The following GYPC variants were observed in gnomAD, a reference collection of about 807,000 sequenced individuals.
The protein encoded by GYPC is glycophorin C (Gerbich blood group), also known as glycophorin-C.
Under a neutral mutation model 12.6 loss-of-function variants are expected in GYPC, and 14 were observed. That is an observed-to-expected ratio of 1.11 (90% CI 0.74 to 1.74). The LOEUF (loss-of-function observed/expected upper bound fraction) is 1.74. Ranked by LOEUF, GYPC falls within the 40% of genes most tolerant of loss-of-function variation. GYPC has a pLI of 0.00. For missense variants in GYPC, 225 were observed against 172.1 expected, an observed-to-expected ratio of 1.31 and a Z score of -1.72; for synonymous variants, 78 against 62.1, an observed-to-expected ratio of 1.26 and a Z score of -1.20.
At chr2:126,692,625 T>C (rs971501767) in intron 2 of GYPC, among the ~76,000 whole-genome samples, 2 of 152,160 alleles carry the variant, frequency 1.3e-5, no homozygotes, top group African/African-American at 2.4e-5. Context: ...AGAGAAGGCA[T>C]TCTGTGCAGC....
intron 1 of GYPC, among the ~76,000 whole-genome samples, chr2:126,670,165 C>A (rs140579328): frequency 6.6e-6 from 1 of 152,222 alleles, no homozygotes; most frequent in African/African-American, 2.4e-5. Context: ...CTTCTGAGAC[C>A]GCAGCTCCCA....
At chr2:126,686,411 T>A in intron 1 of GYPC, 1 of 985,612 alleles carries the variant, frequency 1.0e-6, no homozygotes, top group South Asian at 4.7e-5. Context: ...GCTGACATCC[T>A]GAGGACATAG....
In GYPC at chr2:126,696,235, C is replaced by A; in HGVS notation, c.*93C>A. On this transcript the variant is annotated 3_prime_UTR_variant, in exon 4 of 4. Transcript: ENST00000259254. ...CAGCACCCCTGCTGATACCACCAGACAGAGAGAGAGAGCACTTGATTCTTC... is the reference window on the plus strand; with the variant it reads ...CAGCACCCCTGCTGATACCACCAGAAAGAGAGAGAGAGCACTTGATTCTTC... The A allele has an allele frequency of 1.1e-6, 1 of 907,124 alleles. No homozygotes were observed. Among genetic ancestry groups the A allele is most frequent in the Non-Finnish European group, 1.8e-6 (1 of 558,528 alleles). The allele number at this position is 907,124 out of a possible 1,614,324, so 56.2% of individuals were successfully genotyped here.
intron 1 of GYPC, chr2:126,678,187 A>G (rs1683061746): frequency 6.6e-6 from 1 of 152,060 alleles, no homozygotes; most frequent in African/African-American, 2.4e-5. Context: ...GCACCACTGC[A>G]CTCCAGCCTG....
At chr2:126,678,792 C>T (rs1345706573) in intron 1 of GYPC, 2 of 152,308 alleles carry the variant, frequency 1.3e-5, no homozygotes, top group African/African-American at 4.8e-5. Context: ...CGAACCTCCT[C>T]CTTGGAGCCA....
intron 1 of GYPC, among the ~76,000 whole-genome samples, chr2:126,687,438 A>C (rs1395879759): frequency 1.3e-5 from 2 of 152,180 alleles, no homozygotes; most frequent in African/African-American, 4.8e-5. Context: ...GTGTATCCAG[A>C]GACTATGCTT....
In GYPC at chr2:126,690,260, G is replaced by T. The variant is rs773298406; in HGVS notation, c.55G>T (p.Asp19Tyr). 6.2e-7 allele frequency: 1 copy of T among 1,612,180 alleles called. No individual in the cohort carries two copies. The highest frequency in any genetic ancestry group is 1.3e-5 in the African/African-American group (1 of 75,008). Residue 19 changes from aspartate (D) to tyrosine (Y), a missense_variant, in exon 2 of 4, where the codon GAT (aspartate) becomes TAT (tyrosine). Coordinates refer to ENST00000259254, the MANE Select transcript of GYPC (RefSeq NM_002101.5). ...STAWPLSLEP[D>Y]PGMASASTTM... ...TTCTTGTCCTCTGTTCACAGAGCCT[G>T]ATCCGGGGATGGCCTCTGCCTCCAC...
intron 2 of GYPC, among the ~76,000 whole-genome samples, chr2:126,693,587 C>G (rs1683539288): frequency 6.6e-6 from 1 of 152,224 alleles, no homozygotes; most frequent in South Asian, 2.1e-4. Flanking sequence ...TGCAGCACCA[C>G]TCTCAGTGCA....
intron 1 of GYPC, among the ~76,000 whole-genome samples, chr2:126,672,774 A>G (rs1173965514): frequency 6.6e-6 from 1 of 152,146 alleles, no homozygotes; most frequent in Non-Finnish European, 1.5e-5. Flanking sequence ...TGATGCTTCT[A>G]GGTCCAAGCT....
intron 1 of GYPC, among the ~76,000 whole-genome samples, chr2:126,667,158 T>C (rs1253995908): frequency 6.6e-6 from 1 of 151,336 alleles, no homozygotes; most frequent in Non-Finnish European, 1.5e-5. Flanking sequence ...ACAGAGGATT[T>C]AGAGACAGAG....
chr2:126,694,007 C>G, intron 3 of GYPC, 60 bp downstream of exon 3: 1 of 1,144,032 alleles, frequency 8.7e-7, no homozygotes, highest in South Asian at 1.2e-5. Flanking sequence ...GTGAAAACAT[C>G]CAGGGGAGAA....
intron 2 of GYPC, among the ~76,000 whole-genome samples, chr2:126,692,802 C>T (rs1358372300): frequency 2.0e-5 from 3 of 152,038 alleles, no homozygotes; most frequent in Non-Finnish European, 4.4e-5. Context: ...AGGAATGACT[C>T]CTCAGACAGG....
At chr2:126,672,210 C>T (rs1481363238) in intron 1 of GYPC, among the ~76,000 whole-genome samples, 1 of 152,164 alleles carries the variant, frequency 6.6e-6, no homozygotes, top group East Asian at 1.9e-4. Flanking sequence ...GCCTTCAAGG[C>T]CCCTCCAGAA....
chr2:126,677,374 GGAGTGT>G (rs1248145576), intron 1 of GYPC, among the ~76,000 whole-genome samples: 1 of 150,808 alleles, frequency 6.6e-6, no homozygotes, highest in East Asian at 2.0e-4. Flanking sequence ...AGAATGAGTA[GGAGTGT>G]GAGTGTGTTT....
chr2:126,673,136 G>A (rs28387134), intron 1 of GYPC, among the ~76,000 whole-genome samples: 3,355 of 152,152 alleles, frequency 0.022, 149 homozygotes, highest in African/African-American at 0.077. Context: ...GCAAGTGAGC[G>A]AAGCCCTCCA....
intron 2 of GYPC, among the ~76,000 whole-genome samples, chr2:126,690,730 TG>T (rs1558892140): frequency 6.6e-6 from 1 of 152,070 alleles, no homozygotes; most frequent in Non-Finnish European, 1.5e-5. Context: ...TTTTCTTCCC[TG>T]GGTCCATGAC....
intron 1 of GYPC, among the ~76,000 whole-genome samples, chr2:126,687,181 C>A (rs545227168): frequency 6.6e-6 from 1 of 152,244 alleles, no homozygotes; most frequent in African/African-American, 2.4e-5. Context: ...GGGAGAGCTG[C>A]CTTAGATGCT....
chr2:126,678,651 A>G (rs756933119), intron 1 of GYPC: 1 of 152,578 alleles, frequency 6.6e-6, no homozygotes, highest in Non-Finnish European at 1.5e-5. Context: ...TCCTTCCAGC[A>G]TCCTTCACCA....
At chr2:126,664,491 A>G (rs902892074) in intron 1 of GYPC, among the ~76,000 whole-genome samples, 2 of 152,218 alleles carry the variant, frequency 1.3e-5, no homozygotes, top group African/African-American at 4.8e-5. Context: ...CCCCAGACGC[A>G]GTGCTCAGAG....
Sources: gnomAD v4.1 joint callset for allele counts (sites outside exome capture counted in the v4.1 genomes callset) on GRCh38, gnomAD v4.1.1 for gene constraint, MANE v1.5 for transcripts, NCBI Gene and HGNC (gene_info 2026-07-23, HGNC 2026-07-21) for gene names.